CROCC2: variants seen among roughly 807,000 people sequenced by gnomAD.
CROCC2 encodes the protein ciliary rootlet coiled-coil protein 2.
A neutral mutation model predicts 177.6 loss-of-function variants in CROCC2; 163 were observed. The ratio of observed to expected loss-of-function variants is 0.92; its 90% CI spans 0.81 to 1.05. The LOEUF is 1.05. Ranked by LOEUF, CROCC2 falls within the 50% of genes least tolerant of loss-of-function variation. CROCC2 has a pLI of 0.00. For synonymous variants in CROCC2, 904 were observed against 787.3 expected (o/e 1.15, Z -2.48); for missense variants, 1,929 against 1,797.8 (o/e 1.07, Z -1.32).
intron 20 of CROCC2, chr2:240,959,655 C>T: frequency 5.6e-6 from 3 of 537,224 alleles, no homozygotes; most frequent in Non-Finnish European, 9.3e-6. Context: ...CAAGCCCAGG[C>T]TCTCAGGGCA....
intron 28 of CROCC2, among the ~76,000 whole-genome samples, chr2:240,986,494 C>T (rs1334559115): frequency 2.6e-5 from 4 of 152,222 alleles, no homozygotes; most frequent in Non-Finnish European, 4.4e-5. Flanking sequence ...GTGGGTCACC[C>T]AGCTGTAGGG....
In CROCC2 at chr2:240,989,796, G is replaced by A. The variant is rs1453266654; in HGVS notation, c.4826G>A (p.Trp1609Ter). The A allele has an allele frequency of 6.5e-7, 1 of 1,549,136 alleles. No homozygotes were observed. The highest frequency in any genetic ancestry group is 8.7e-7 in the Non-Finnish European group (1 of 1,146,068). The change falls in exon 30 of 32, where the codon TGG (tryptophan) becomes TAG (stop). Residue 1609 changes from tryptophan (W) to a stop codon, truncating the protein, a stop_gained. Coordinates refer to ENST00000690015, the MANE Select transcript of CROCC2 (RefSeq NM_001351305.2). LOFTEE classifies it high-confidence loss of function. ...QATQALESQE[W>*]THQQQVKVLE... ...ACGCAGGCCCTGGAGTCCCAAGAAT[G>A]GACCCACCAGCAGCAGGTAAAGGTG...
In CROCC2 at chr2:240,959,430, G is replaced by A. The variant is rs1272891668; in HGVS notation, c.3073G>A (p.Asp1025Asn). 1.9e-6 allele frequency: 3 copies of A among 1,550,336 alleles called. No homozygotes were observed. The highest frequency in any genetic ancestry group is 2.4e-5 in the East Asian group (1 of 40,912). The change falls in exon 20 of 32, where the codon GAT becomes AAT. Residue 1025 changes from aspartate to asparagine, a missense_variant. This residue lies in a region of CROCC2 where 1,397 missense variants were observed against 1,239.9 expected (regional missense o/e 1.13). Coordinates refer to ENST00000690015, the MANE Select transcript of CROCC2 (RefSeq NM_001351305.2). ...SLQDLAAERG[D>N]VEREAERLRA... ...CCAGGACCTAGCGGCTGAGCGGGGC[G>A]ATGTGGAGAGAGAGGTGAGAGGCAG...
At chr2:240,975,539 C>A (rs972239121) in intron 27 of CROCC2, among the ~76,000 whole-genome samples, 1 of 152,024 alleles carries the variant, frequency 6.6e-6, no homozygotes, top group Non-Finnish European at 1.5e-5. Context: ...ATGGATTTGG[C>A]GAGTGTTTAT....
At chr2:240,956,014 T>C in intron 19 of CROCC2, 42 bp downstream of exon 19, 1 of 1,450,146 alleles carries the variant, frequency 6.9e-7, no homozygotes, top group Non-Finnish European at 9.3e-7. Context: ...GCCAAGCAGG[T>C]GCTGGCAGAC....
In CROCC2 at chr2:240,946,227, C is replaced by G. The variant is rs939442693; in HGVS notation, c.2337C>G (p.Leu779=). 3.2e-6 allele frequency: 5 copies of G among 1,538,832 alleles called. No homozygotes were observed. The East Asian group carries it at 7.4e-5, about 23-fold the overall frequency. The change falls in exon 15 of 32, where the codon CTC becomes CTG. Residue 779 remains leucine (L), a synonymous_variant. Coordinates refer to ENST00000690015, the MANE Select transcript of CROCC2 (RefSeq NM_001351305.2). ...AGGCCTTGGAGAGGCAGGGCCGGCT[C>G]GCAGCTGAAGAGGCAGCTGATCTCA... is the stretch of plus-strand genomic sequence containing the variant. ...KQEALERQGR[L]AAEEAADLRV...
chr2:240,965,850 A>G lies in CROCC2; in HGVS notation c.3818A>G (p.Glu1273Gly), dbSNP rs1347209569. Reference sequence around the variant, plus strand: ...GCCTGTCACCGAATCCACAGCCTGGAGCAGGAGCTGGCCCAGGCTGAGGGT... The same window carrying G: ...GCCTGTCACCGAATCCACAGCCTGGGGCAGGAGCTGGCCCAGGCTGAGGGT... ...DQACHRIHSL[E>G]QELAQAEGAR... is the part of the protein sequence containing the mutation. Residue 1273 changes from glutamate (E) to glycine (G), a missense_variant, in exon 24 of 32, where the codon GAG becomes GGG. Glu to Gly is a moderately conservative substitution (Grantham distance 98). Coordinates refer to ENST00000690015, the MANE Select transcript of CROCC2 (RefSeq NM_001351305.2). 4.1e-6 allele frequency: 6 copies of G among 1,450,944 alleles called. No individual in the cohort carries two copies. In the East Asian group the frequency reaches 1.5e-4, roughly 37 times the overall value. 89.9% of individuals were successfully genotyped at this position (1,450,944 alleles called of 1,614,324 possible). A position where few individuals can be genotyped will look rare whatever the true frequency, so the allele number is the denominator to read the frequency against.
chr2:240,975,899 T>C (rs1165574157), intron 27 of CROCC2, among the ~76,000 whole-genome samples: 2 of 151,812 alleles, frequency 1.3e-5, no homozygotes, highest in Non-Finnish European at 2.9e-5. Context: ...CCGGCTAATT[T>C]TTTGTATTTT....
chr2:240,975,719 C>CT (rs55896940), intron 27 of CROCC2, among the ~76,000 whole-genome samples: 1,089 of 88,018 alleles, frequency 0.012, 187 homozygotes, highest in Non-Finnish European at 0.016. Flanking sequence ...AACCAGCCTG[C>CT]TTTTTTTTTT....
At chr2:240,974,926 T>G (rs1015340325) in intron 27 of CROCC2, among the ~76,000 whole-genome samples, 3 of 152,218 alleles carry the variant, frequency 2.0e-5, no homozygotes, top group African/African-American at 7.2e-5. Flanking sequence ...CACTTTTTAT[T>G]GCTTACGTCA....
At chr2:240,970,986 C>T (rs533896014) in intron 27 of CROCC2, among the ~76,000 whole-genome samples, 8 of 152,286 alleles carry the variant, frequency 5.3e-5, no homozygotes, top group East Asian at 1.9e-4. Context: ...TGGGGGCATC[C>T]GGGCTCATCC....
intron 3 of CROCC2, among the ~76,000 whole-genome samples, chr2:240,920,454 G>T (rs994762712): frequency 1.3e-5 from 2 of 152,176 alleles, no homozygotes; most frequent in Non-Finnish European, 2.9e-5. Context: ...GCCCTGTGGG[G>T]TGGCCTGGCC....
At chr2:240,945,250 A>T (rs1465929050) in intron 14 of CROCC2, among the ~76,000 whole-genome samples, 1 of 152,144 alleles carries the variant, frequency 6.6e-6, no homozygotes, top group African/African-American at 2.4e-5. Context: ...TTTACTTTTG[A>T]CCCTGGCAGG....
In CROCC2 at chr2:240,965,693, C is replaced by CAGCGGCTCCAGG; in HGVS notation, c.3665_3676dup (p.Arg1222_Glu1225dup). 1 of 1,550,062 alleles carries CAGCGGCTCCAGG rather than the reference C, an allele frequency of 6.5e-7. No homozygotes were observed. Among genetic ancestry groups the CAGCGGCTCCAGG allele is most frequent in the Non-Finnish European group, 8.7e-7 (1 of 1,146,772 alleles). On this transcript the variant is annotated inframe_insertion, in exon 24 of 32. Transcript: ENST00000690015. ...GGAGGCCGCAGGGGAGGCCCATGGACAGCGGCTCCAGGAGCACCTCCGTGA... is the reference window on the plus strand; with the variant it reads ...GGAGGCCGCAGGGGAGGCCCATGGACAGCGGCTCCAGGAGCGGCTCCAGGAGCACCTCCGTGA...
In CROCC2 at chr2:240,917,151, G is replaced by T. The variant is rs1490337194; in HGVS notation, c.79-1575G>T. Among the ~76,000 whole-genome samples the T allele has an allele frequency of 6.6e-6, 1 of 152,220 alleles. No individual in the cohort carries two copies. On this transcript the variant is annotated intron_variant, in intron 1 of 31. Coordinates refer to ENST00000690015, the MANE Select transcript of CROCC2 (RefSeq NM_001351305.2). This position sits in a 1 kb window ranked among gnomAD's most constrained non-coding sequence, Gnocchi z 4.9. ...CAGACCCTGGTGCACGGGCTGTCGGGAGGACGGGCGGGCTGGCCCCAGACC... is the reference window on the plus strand; with the variant it reads ...CAGACCCTGGTGCACGGGCTGTCGGTAGGACGGGCGGGCTGGCCCCAGACC...
chr2:240,976,198 T>C lies in CROCC2; in HGVS notation c.4402-6682T>C, dbSNP rs1217045378. 2.5e-3 allele frequency among the ~76,000 whole-genome samples: 362 copies of C among 145,396 alleles called. 2 individuals are homozygous for C. The highest frequency in any genetic ancestry group is 7.8e-3 in the African/African-American group (303 of 38,668). Reference sequence around the variant, plus strand: ...AGCCCAGGCTCATCCCTGCTCAGTCTCTGGGGTAGGAGCCTCTGGAGCCCA... The same window carrying C: ...AGCCCAGGCTCATCCCTGCTCAGTCCCTGGGGTAGGAGCCTCTGGAGCCCA... On this transcript the variant is annotated intron_variant, in intron 27 of 31. Coordinates refer to ENST00000690015, the MANE Select transcript of CROCC2 (RefSeq NM_001351305.2).
intron 27 of CROCC2, among the ~76,000 whole-genome samples, chr2:240,975,132 T>C (rs2059751149): frequency 6.6e-6 from 1 of 152,196 alleles, no homozygotes; most frequent in African/African-American, 2.4e-5. Flanking sequence ...CAGGAAAGAA[T>C]AGATGTTTGA....
intron 14 of CROCC2, among the ~76,000 whole-genome samples, chr2:240,939,842 T>G (rs570416695): frequency 6.6e-6 from 1 of 152,294 alleles, no homozygotes; most frequent in East Asian, 1.9e-4. Context: ...AACTTCCAAA[T>G]AGGGTTTTCT....
chr2:240,988,965 G>A, intron 29 of CROCC2, 95 bp downstream of exon 29: 2 of 1,256,424 alleles, frequency 1.6e-6, no homozygotes, highest in African/African-American at 1.5e-5. Context: ...GGTGGCTGGT[G>A]TACCTCCATC....
Sources: allele counts gnomAD v4.1 joint callset (sites outside exome capture counted in the v4.1 genomes callset), GRCh38; gene constraint gnomAD v4.1.1; regional missense constraint gnomAD v4.1.1; non-coding constraint Gnocchi (gnomAD v3.1); transcripts MANE v1.5; gene names NCBI Gene and HGNC (gene_info 2026-07-23, HGNC 2026-07-21).